Variants in GIT2 observed in about 807,000 individuals in gnomAD.
GIT2 encodes GIT ArfGAP 2.
A neutral mutation model predicts 100.3 loss-of-function variants in GIT2; 32 were observed. The observed-to-expected ratio is 0.32, with a 90% CI of 0.24 to 0.43. The LOEUF is 0.43. GIT2 is among the 20% of genes least tolerant of loss of function. The probability of loss-of-function intolerance (pLI) is 1.00; values close to 1 mark genes in which losing one functional copy is unlikely to be tolerated. For synonymous variants in GIT2, 353 were observed against 364.1 expected (o/e 0.97, Z 0.35); for missense variants, 737 against 975.1 (o/e 0.76, Z 3.25).
At chr12:109,966,229 C>T (rs1882331527) in intron 8 of GIT2, among the ~76,000 whole-genome samples, 1 of 147,936 alleles carries the variant, frequency 6.8e-6, no homozygotes, top group South Asian at 2.3e-4. Flanking sequence ...CTCCTGACCT[C>T]GTGATCCACC....
At chr12:109,949,691 G>T (rs773232728) in intron 14 of GIT2, among the ~76,000 whole-genome samples, 5 of 152,178 alleles carry the variant, frequency 3.3e-5, no homozygotes, top group Non-Finnish European at 7.3e-5. Flanking sequence ...TCTCAAAGAA[G>T]CTCAAGACAT....
At chr12:109,943,081 T>C (rs998856301) in intron 16 of GIT2, 1 of 152,194 alleles carries the variant, frequency 6.6e-6, no homozygotes, top group South Asian at 2.1e-4. Flanking sequence ...TCTAAACTCA[T>C]GATGAAGCTG....
Position 109,983,590 on chromosome 12 carries a change from C to T in GIT2, c.492+18G>A. The T allele has an allele frequency of 3.8e-6, 6 of 1,597,084 alleles. No homozygotes were observed. The highest frequency in any genetic ancestry group is 5.2e-6 in the Non-Finnish European group (6 of 1,164,818). The stretch of plus-strand genomic sequence containing the variant: ...ACTCACTTAGTTTCAATATCTGAAG[C>T]AATTCATGTTTTCTTACAGGATGAA... On this transcript the variant is annotated intron_variant, in intron 5 of 19. Transcript: ENST00000355312.
rs932457072 is a variant in GIT2 at position 109,947,094 on chromosome 12, T to C, written c.1641+162A>G. Among the ~76,000 whole-genome samples the C allele has an allele frequency of 1.3e-5, 2 of 152,168 alleles. No individual in the cohort carries two copies. Among genetic ancestry groups the C allele is most frequent in the Non-Finnish European group, 2.9e-5 (2 of 68,026 alleles). On this transcript the variant is annotated intron_variant, in intron 15 of 19. Coordinates refer to ENST00000355312, the MANE Select transcript of GIT2 (RefSeq NM_057169.5). The surrounding 1 kb of genome is among the most constrained non-coding windows in gnomAD (Gnocchi z 4.3). ...CCATGGCCCTGTGTGCTTGTGGGAA[T>C]ATCGCAAGCATCTGTGGACATGTTA...
At chr12:109,961,244 C>T (rs766327773) in intron 11 of GIT2, 34 bp downstream of exon 11, 11 of 1,154,402 alleles carry the variant, frequency 9.5e-6, no homozygotes, top group Non-Finnish European at 1.4e-5. Context: ...AGCCATTCCC[C>T]AACTACTATT....
intron 9 of GIT2, among the ~76,000 whole-genome samples, chr12:109,964,889 A>G (rs1881948321): frequency 6.6e-6 from 1 of 152,104 alleles, no homozygotes; most frequent in African/African-American, 2.4e-5. Context: ...AGAGAAGTAG[A>G]TTTCCCAGGG....
chr12:109,961,260 C>T lies in GIT2; in HGVS notation c.987+18G>A, dbSNP rs1287078096. On this transcript the variant is annotated intron_variant, in intron 11 of 19. Coordinates refer to ENST00000355312, the MANE Select transcript of GIT2 (RefSeq NM_057169.5). ...GCCATTCCCCAACTACTATTCCTTT[C>T]CAAACTGAGCCACTTGCCTGATTTC... 2.8e-6 allele frequency: 4 copies of T among 1,434,436 alleles called. No homozygotes were observed. In the South Asian group the frequency reaches 4.6e-5, roughly 16 times the overall value. The allele number at this position is 1,434,436 out of a possible 1,614,324, so 88.9% of individuals were successfully genotyped here.
In GIT2 at chr12:109,983,391, G is replaced by A. The variant is rs1262048274; in HGVS notation, c.605C>T (p.Thr202Ile). 1 of 1,613,574 alleles carries A rather than the reference G, an allele frequency of 6.2e-7. No homozygotes were observed. Among genetic ancestry groups the A allele is most frequent in the African/African-American group, 1.3e-5 (1 of 74,908 alleles). The change falls in exon 6 of 20, where the codon ACT becomes ATT. Residue 202 changes from threonine (T) to isoleucine (I), a missense_variant. Physicochemically the swap from Thr to Ile is moderately conservative, Grantham distance 89. Around this residue, in one of 3 missense-constraint regions of GIT2, gnomAD observed 266 missense variants for 376.2 expected, o/e 0.71. Transcript: ENST00000355312. ...CTCTTACCTTGCATAATCAACGGGAGTTTTCCCACTAGAATCCTGTGTGCC... is the reference window on the plus strand; with the variant it reads ...CTCTTACCTTGCATAATCAACGGGAATTTTCCCACTAGAATCCTGTGTGCC... Reference protein sequence around the residue: ...DPGTQDSSGKTPVDYARQGGH... With the variant: ...DPGTQDSSGKIPVDYARQGGH...
At chr12:109,965,651 C>T (rs1287873139) in intron 8 of GIT2, 74 bp from the exon 9 acceptor site, 8 of 948,108 alleles carry the variant, frequency 8.4e-6, no homozygotes, top group East Asian at 2.4e-5. Context: ...TTAAGACACC[C>T]AAGAGATAAA....
chr12:109,940,862 G>C (rs1339214155), intron 16 of GIT2, among the ~76,000 whole-genome samples: 1 of 149,500 alleles, frequency 6.7e-6, no homozygotes, highest in African/African-American at 2.5e-5. Context: ...CTGGGTGACA[G>C]AGCTAGACCC....
intron 4 of GIT2, 38 bp from the exon 5 acceptor site, chr12:109,983,732 A>C (rs776871189): frequency 7.9e-6 from 11 of 1,385,064 alleles, no homozygotes; most frequent in Admixed American, 1.8e-5. Flanking sequence ...TCGTGGTTAG[A>C]GGTGTAAAGA....
At chr12:109,997,817 T>C (rs1224145929), upstream of GIT2, 3 of 152,202 alleles carry the variant, frequency 2.0e-5, no homozygotes, top group African/African-American at 7.2e-5. Flanking sequence ...ATAGCTAACA[T>C]GGGATAATTT....
At chr12:109,989,570 C>A (rs751897325) in intron 3 of GIT2, 120 bp downstream of exon 3, 101 of 632,368 alleles carry the variant, frequency 1.6e-4, no homozygotes, top group Non-Finnish European at 2.6e-4. Context: ...ACCTGATGCA[C>A]AACTAGGGTA....
chr12:109,998,383 G>C (rs1373710368), upstream of GIT2: 1 of 152,254 alleles, frequency 6.6e-6, no homozygotes, highest in Non-Finnish European at 1.5e-5. Context: ...CATCTGAAGA[G>C]CTGGATGTGC....
At chr12:109,999,807 G>A (rs1379617501), upstream of GIT2, 3 of 1,518,130 alleles carry the variant, frequency 2.0e-6, no homozygotes. The surrounding 1 kb of genome is among the most constrained non-coding windows in gnomAD (Gnocchi z 4.3). Flanking sequence ...GCGGGGGTCC[G>A]TCTCCCGGTG....
chr12:109,965,966 G>A (rs555942879), intron 8 of GIT2, among the ~76,000 whole-genome samples: 11 of 150,770 alleles, frequency 7.3e-5, no homozygotes, highest in East Asian at 3.9e-4. Context: ...TTGGGAGGCC[G>A]AGGTGGGAGG....
At chr12:109,959,360 G>A (rs989840245) in intron 12 of GIT2, among the ~76,000 whole-genome samples, 6 of 152,064 alleles carry the variant, frequency 3.9e-5, no homozygotes, top group Non-Finnish European at 8.8e-5. Flanking sequence ...GAGCCACCAC[G>A]CCCGGCCAAG....
intron 4 of GIT2, among the ~76,000 whole-genome samples, chr12:109,985,470 C>T (rs915898590): frequency 1.3e-5 from 2 of 152,192 alleles, no homozygotes; most frequent in Non-Finnish European, 2.9e-5. Flanking sequence ...AATCCCAGCA[C>T]TTTGGGAGGC....
chr12:109,986,090 CAA>C (rs1302613428), intron 4 of GIT2, among the ~76,000 whole-genome samples: 1 of 151,752 alleles, frequency 6.6e-6, no homozygotes, highest in Non-Finnish European at 1.5e-5. Context: ...CTCCCCAGTT[CAA>C]GAGATTCACA....
Sources: gnomAD v4.1 joint callset for allele counts (sites outside exome capture counted in the v4.1 genomes callset) on GRCh38, gnomAD v4.1.1 for gene constraint, gnomAD v4.1.1 regional missense constraint, Gnocchi (gnomAD v3.1) non-coding constraint, MANE v1.5 for transcripts, NCBI Gene and HGNC (gene_info 2026-07-23, HGNC 2026-07-21) for gene names.